LHFPL3: variants seen among roughly 807,000 people sequenced by gnomAD.
The protein encoded by LHFPL3 is LHFPL tetraspan subfamily member 3 protein.
In LHFPL3, 5 loss-of-function variants were observed where a neutral mutation model predicts 19.3. The observed-to-expected ratio is 0.26, with a 90% confidence interval of 0.14 to 0.54. The LOEUF is 0.54. Ranked by LOEUF, LHFPL3 falls within the 20% of genes least tolerant of loss-of-function variation. LHFPL3 has a pLI of 0.94. For missense variants in LHFPL3, 249 were observed against 307.4 expected, an observed-to-expected ratio of 0.81 and a Z score of 1.42; for synonymous variants, 133 against 126.2, an observed-to-expected ratio of 1.05 and a Z score of -0.36.
chr7:104,403,725 TTCTCTCTCTC>T (rs71786184), intron 1 of LHFPL3, among the ~76,000 whole-genome samples: 19 of 143,594 alleles, frequency 1.3e-4, no homozygotes, highest in African/African-American at 2.9e-4. Context: ...TTAGTGAACA[TTCTCTCTCTC>T]TCTCTCTCTC....
At chr7:104,558,509 C>T (rs1789909245) in intron 1 of LHFPL3, among the ~76,000 whole-genome samples, 1 of 152,054 alleles carries the variant, frequency 6.6e-6, no homozygotes, top group Non-Finnish European at 1.5e-5. Context: ...GTCATTCGCC[C>T]ACTTTTTGAT....
intron 1 of LHFPL3, among the ~76,000 whole-genome samples, chr7:104,465,904 T>A (rs1415116542): frequency 6.6e-6 from 1 of 152,224 alleles, no homozygotes; most frequent in Non-Finnish European, 1.5e-5. Context: ...TTAGTTTTGA[T>A]TTCTGTTTTA....
Position 104,367,546 on chromosome 7 carries a change from G to A in LHFPL3, c.445+38322G>A, listed in dbSNP as rs1021959929. Among the ~76,000 whole-genome samples, 8 of 152,290 alleles carry A rather than the reference G, an allele frequency of 5.3e-5. No individual in the cohort carries two copies. In the East Asian group the frequency reaches 5.8e-4, roughly 11 times the overall value. ...TATTTATGGCTTTGGGGTATAGATC[G>A]TCAGATGTTAAGCAGATGGAACAGG... On this transcript the variant is annotated intron_variant, in intron 1 of 2. Transcript: ENST00000424859.
At chr7:104,359,963 C>T (rs1231107079) in intron 1 of LHFPL3, among the ~76,000 whole-genome samples, 2 of 152,246 alleles carry the variant, frequency 1.3e-5, no homozygotes, top group East Asian at 1.9e-4. Context: ...GTGTTATAAA[C>T]TGACACTCAG....
At chr7:104,864,983 A>G (rs570845986) in intron 2 of LHFPL3, among the ~76,000 whole-genome samples, 29 of 152,244 alleles carry the variant, frequency 1.9e-4, no homozygotes, top group Admixed American at 1.3e-4. Flanking sequence ...ATGGACCTCC[A>G]GCAAACTCCA....
intron 1 of LHFPL3, among the ~76,000 whole-genome samples, chr7:104,654,315 T>C (rs1167332764): frequency 5.3e-5 from 8 of 152,356 alleles, no homozygotes; most frequent in African/African-American, 2.4e-5. Context: ...GAAAATTTTG[T>C]CTGTTTATTT....
intron 1 of LHFPL3, among the ~76,000 whole-genome samples, chr7:104,461,351 C>T (rs1455350622): frequency 1.3e-5 from 2 of 152,054 alleles, no homozygotes; most frequent in African/African-American, 4.8e-5. Flanking sequence ...ACAGCCAAAC[C>T]ATATCATCCA....
chr7:104,845,415 G>A lies in LHFPL3; in HGVS notation c.683-60772G>A, dbSNP rs529409876. On this transcript the variant is annotated intron_variant, in intron 2 of 2. Coordinates refer to ENST00000424859, the MANE Select transcript of LHFPL3 (RefSeq NM_199000.3). ...AATGCTTAAGGCAAACTAAGGTAGT[G>A]TGAGACCACACCATGTAAGTGTGAG... The A allele has an allele frequency of 2.0e-6, 3 of 1,536,016 alleles. No homozygotes were observed. In the African/African-American group the frequency reaches 4.1e-5, roughly 21 times the overall value.
At chr7:104,773,248 A>G (rs1288207422) in intron 2 of LHFPL3, among the ~76,000 whole-genome samples, 1 of 152,176 alleles carries the variant, frequency 6.6e-6, no homozygotes, top group Non-Finnish European at 1.5e-5. Flanking sequence ...CAAGCTAACC[A>G]AGGACAGGCA....
chr7:104,446,937 A>G (rs541454528), intron 1 of LHFPL3, among the ~76,000 whole-genome samples: 2 of 152,226 alleles, frequency 1.3e-5, no homozygotes, highest in East Asian at 3.9e-4. Context: ...TATCACCTGG[A>G]ATTTTGTCTT....
chr7:104,807,037 G>C (rs2116491726), intron 2 of LHFPL3, among the ~76,000 whole-genome samples: 1 of 151,674 alleles, frequency 6.6e-6, no homozygotes, highest in East Asian at 1.9e-4. Context: ...GTGTGTGTGT[G>C]TGTGTGTGTG....
chr7:104,461,845 A>G (rs1311628345), intron 1 of LHFPL3, among the ~76,000 whole-genome samples: 3 of 152,190 alleles, frequency 2.0e-5, no homozygotes, highest in African/African-American at 4.8e-5. Flanking sequence ...TTTGGGCAGT[A>G]TGGCCATTTT....
intron 2 of LHFPL3, among the ~76,000 whole-genome samples, chr7:104,890,419 G>A (rs1032403776): frequency 6.6e-6 from 1 of 152,134 alleles, no homozygotes; most frequent in Non-Finnish European, 1.5e-5. Context: ...GCATTACAAC[G>A]CCCCGTGGAG....
intron 2 of LHFPL3, among the ~76,000 whole-genome samples, chr7:104,767,926 A>G (rs2116388687): frequency 6.6e-6 from 1 of 152,290 alleles, no homozygotes; most frequent in Non-Finnish European, 1.5e-5. Flanking sequence ...GAACCTTGTG[A>G]TTTCATCTTT....
At chr7:104,429,285 TCTAC>T (rs1791905033) in intron 1 of LHFPL3, among the ~76,000 whole-genome samples, 1 of 149,540 alleles carries the variant, frequency 6.7e-6, no homozygotes, top group Non-Finnish European at 1.5e-5. Flanking sequence ...TATTTCGGAA[TCTAC>T]CTATGTCATT....
At chr7:104,451,943 G>A (rs537992006) in intron 1 of LHFPL3, among the ~76,000 whole-genome samples, 58 of 151,894 alleles carry the variant, frequency 3.8e-4, no homozygotes, top group African/African-American at 1.3e-3. Flanking sequence ...ACGGGGTTTC[G>A]CCATGTTGGC....
At chr7:104,617,975 C>A (rs1209428907) in intron 1 of LHFPL3, among the ~76,000 whole-genome samples, 2 of 152,196 alleles carry the variant, frequency 1.3e-5, no homozygotes, top group South Asian at 4.1e-4. Flanking sequence ...AACTCACCGG[C>A]AAGTCAATTA....
intron 1 of LHFPL3, among the ~76,000 whole-genome samples, chr7:104,504,031 A>T (rs1793652680): frequency 6.6e-6 from 1 of 152,212 alleles, no homozygotes; most frequent in Admixed American, 6.5e-5. Context: ...ACTAGAGAAG[A>T]TAGTAGTCAA....
At chr7:104,553,317 C>G (rs1438767209) in intron 1 of LHFPL3, among the ~76,000 whole-genome samples, 1 of 152,176 alleles carries the variant, frequency 6.6e-6, no homozygotes, top group African/African-American at 2.4e-5. Flanking sequence ...CCCACAGCAA[C>G]TGTACTGTAA....
Sources: allele counts gnomAD v4.1 joint callset (sites outside exome capture counted in the v4.1 genomes callset), GRCh38; gene constraint gnomAD v4.1.1; transcripts MANE v1.5; gene names NCBI Gene and HGNC (gene_info 2026-07-23, HGNC 2026-07-21).